Variants in PDS5B observed in about 807,000 individuals in gnomAD.
The protein encoded by PDS5B is PDS5 cohesin associated factor B.
In PDS5B, 51 loss-of-function variants were observed where a neutral mutation model predicts 184.1. The observed-to-expected ratio is 0.28, with a 90% CI of 0.22 to 0.35. The LOEUF (loss-of-function observed/expected upper bound fraction) is 0.35, where lower values mean the gene tolerates loss of function less well. PDS5B is among the 10% of genes least tolerant of loss of function. PDS5B has a pLI of 1.00. For synonymous variants in PDS5B, 566 were observed against 569.2 expected (o/e 0.99, Z 0.08); for missense variants, 1,180 against 1,723.3 (o/e 0.68, Z 5.58).
At position 32,764,554 on chromosome 13, in the gene PDS5B, G is replaced by A. The variant is rs1391240906; in HGVS notation, c.3584G>A (p.Gly1195Glu). 2.5e-6 allele frequency: 4 copies of A among 1,605,322 alleles called. No individual in the cohort carries two copies. The highest frequency in any genetic ancestry group is 3.4e-6 in the Non-Finnish European group (4 of 1,175,414). The change falls in exon 31 of 35, where the codon GGG (glycine) becomes GAG (glutamate). Residue 1195 changes from glycine to glutamate, a missense_variant. Gly to Glu is a moderately conservative substitution (Grantham distance 98, BLOSUM62 -2). Around this residue, in one of 11 missense-constraint regions of PDS5B, gnomAD observed 465 missense variants for 497.8 expected, o/e 0.93. Coordinates refer to ENST00000315596, the MANE Select transcript of PDS5B (RefSeq NM_015032.4). ...EDYTMSSPLP[G>E]KKSDKRDDSD... is the part of the protein sequence containing the mutation. ...TACACAATGTCTTCACCTTTGCCGG[G>A]GAAAAAAAGTGACAAGAGAGACGAC...
At chr13:32,641,909 C>G (rs1950103606) in intron 1 of PDS5B, among the ~76,000 whole-genome samples, 1 of 152,140 alleles carries the variant, frequency 6.6e-6, no homozygotes, top group Non-Finnish European at 1.5e-5. Flanking sequence ...TCCCCCATCT[C>G]CATTACAACG....
chr13:32,713,912 A>G (rs998401003), intron 19 of PDS5B, among the ~76,000 whole-genome samples: 1 of 152,192 alleles, frequency 6.6e-6, no homozygotes, highest in African/African-American at 2.4e-5. Flanking sequence ...TGCCCCGATA[A>G]TCATGTAGGT....
intron 19 of PDS5B, among the ~76,000 whole-genome samples, chr13:32,710,334 G>A (rs1169517688): frequency 2.0e-5 from 3 of 152,150 alleles, no homozygotes; most frequent in Admixed American, 6.5e-5. Flanking sequence ...TGATGCATCA[G>A]TTAGATAGTC....
In PDS5B at chr13:32,775,184, T is replaced by A; in HGVS notation, c.*132T>A. On this transcript the variant is annotated 3_prime_UTR_variant, in exon 35 of 35. Coordinates refer to ENST00000315596, the MANE Select transcript of PDS5B (RefSeq NM_015032.4). ...TGCTGAAGAGTGGACAGTTGGACCT[T>A]ACTTTGGTGACCCCATACATTTGTG... The A allele has an allele frequency of 1.4e-6, 1 of 735,056 alleles. No homozygotes were observed. The highest frequency in any genetic ancestry group is 2.7e-5 in the East Asian group (1 of 37,112). The allele number at this position is 735,056 out of a possible 1,614,324, so 45.5% of individuals were successfully genotyped here. A position where few individuals can be genotyped will look rare whatever the true frequency, so the allele number is the denominator to read the frequency against.
At chr13:32,755,188 A>C (rs570289654) in intron 25 of PDS5B, among the ~76,000 whole-genome samples, 1 of 152,232 alleles carries the variant, frequency 6.6e-6, no homozygotes, top group African/African-American at 2.4e-5. Flanking sequence ...TGTCCAGAAT[A>C]TGAGTCCCAG....
At chr13:32,769,981 A>T in intron 31 of PDS5B, 140 bp from the exon 32 acceptor site, 1 of 591,706 alleles carries the variant, frequency 1.7e-6, no homozygotes, top group Non-Finnish European at 2.8e-6. Context: ...AAATAAATAC[A>T]GTTCTGGTGT....
intron 16 of PDS5B, among the ~76,000 whole-genome samples, chr13:32,700,133 C>G (rs1371486884): frequency 6.6e-6 from 1 of 152,060 alleles, no homozygotes; most frequent in Non-Finnish European, 1.5e-5. Flanking sequence ...CCATAGCATA[C>G]CACTGAATAC....
intron 1 of PDS5B, among the ~76,000 whole-genome samples, chr13:32,589,198 C>A (rs2057735921): frequency 6.6e-6 from 1 of 152,104 alleles, no homozygotes; most frequent in African/African-American, 2.4e-5. Context: ...ATTGATTTAT[C>A]TGAGGTCACA....
At chr13:32,606,894 T>A (rs536288350) in intron 1 of PDS5B, among the ~76,000 whole-genome samples, 1 of 152,346 alleles carries the variant, frequency 6.6e-6, no homozygotes, top group African/African-American at 2.4e-5. Context: ...GTAGTTCTCG[T>A]GCCATGGTTT....
At chr13:32,621,431 C>T (rs1040355978) in intron 1 of PDS5B, among the ~76,000 whole-genome samples, 4 of 152,078 alleles carry the variant, frequency 2.6e-5, no homozygotes, top group African/African-American at 7.2e-5. Context: ...TTTGCCACTG[C>T]GCTCCAGCCT....
In PDS5B at chr13:32,673,655, T is replaced by C. The variant is rs76038475; in HGVS notation, c.846+299T>C. ...AAGTCTTAGCTGTACATCAAGCTTA[T>C]GTTTTCAAGGCACAGTTTATAGTAG... On this transcript the variant is annotated intron_variant, in intron 8 of 34. Coordinates refer to ENST00000315596, the MANE Select transcript of PDS5B (RefSeq NM_015032.4). Among the ~76,000 whole-genome samples, 936 of 152,300 alleles carry C rather than the reference T, an allele frequency of 6.1e-3. 17 individuals are homozygous for C. Among genetic ancestry groups the C allele is most frequent in the African/African-American group, 0.022 (903 of 41,564 alleles).
At position 32,775,758 on chromosome 13, in the gene PDS5B, G is replaced by A. The variant is rs1392679296; in HGVS notation, c.*706G>A. On this transcript the variant is annotated 3_prime_UTR_variant, in exon 35 of 35. Transcript: ENST00000315596. The stretch of plus-strand genomic sequence containing the variant: ...GTCCCAGAATTTTCTGGCCTTTCAT[G>A]GCAATGAAAATTTTAAGAAGAAAGA... 5.1e-6 allele frequency: 2 copies of A among 394,060 alleles called. No individual in the cohort carries two copies. The highest frequency in any genetic ancestry group is 1.0e-5 in the Non-Finnish European group (2 of 198,884). 24.4% of individuals were successfully genotyped at this position (394,060 alleles called of 1,614,324 possible). A position where few individuals can be genotyped will look rare whatever the true frequency, so the allele number is the denominator to read the frequency against.
intron 17 of PDS5B, among the ~76,000 whole-genome samples, chr13:32,705,424 A>G (rs868727004): frequency 6.6e-5 from 10 of 152,294 alleles, no homozygotes; most frequent in East Asian, 1.9e-4. Flanking sequence ...AGAAATACCA[A>G]CTGTTAAAGA....
intron 1 of PDS5B, among the ~76,000 whole-genome samples, chr13:32,646,462 T>C (rs557183125): frequency 5.3e-5 from 8 of 151,838 alleles, no homozygotes; most frequent in Non-Finnish European, 1.2e-4. Context: ...TGTTTTCTGT[T>C]TTGGCAACTG....
intron 13 of PDS5B, among the ~76,000 whole-genome samples, chr13:32,693,665 T>A (rs1457484890): frequency 6.7e-6 from 1 of 149,538 alleles, no homozygotes; most frequent in Non-Finnish European, 1.5e-5. Flanking sequence ...TATGTTAATA[T>A]TATTTATATA....
chr13:32,606,084 T>G (rs2058056219), intron 1 of PDS5B, among the ~76,000 whole-genome samples: 1 of 152,190 alleles, frequency 6.6e-6, no homozygotes, highest in African/African-American at 2.4e-5. Context: ...GTTAATATTG[T>G]TATGTGTGAA....
chr13:32,761,052 G>A (rs980379577), intron 30 of PDS5B, among the ~76,000 whole-genome samples: 6 of 152,094 alleles, frequency 3.9e-5, no homozygotes, highest in African/African-American at 1.2e-4. Flanking sequence ...AACATGATGA[G>A]GTCTGAGTTA....
chr13:32,679,189 A>G (rs966410932), intron 10 of PDS5B, among the ~76,000 whole-genome samples: 4 of 151,962 alleles, frequency 2.6e-5, no homozygotes, highest in Admixed American at 1.3e-4. Flanking sequence ...TTAGTTTACC[A>G]TGACTCACCT....
At chr13:32,648,380 C>T (rs1226342087) in intron 1 of PDS5B, among the ~76,000 whole-genome samples, 4 of 152,144 alleles carry the variant, frequency 2.6e-5, no homozygotes, top group African/African-American at 9.6e-5. Flanking sequence ...GCTATAATGT[C>T]CCAGTGTTCC....
Sources: allele counts gnomAD v4.1 joint callset (sites outside exome capture counted in the v4.1 genomes callset), GRCh38; gene constraint gnomAD v4.1.1; regional missense constraint gnomAD v4.1.1; transcripts MANE v1.5; gene names NCBI Gene and HGNC (gene_info 2026-07-23, HGNC 2026-07-21).